The following COL4A1 variants were observed in gnomAD, a reference collection of about 807,000 sequenced individuals.
COL4A1 encodes collagen alpha-1(IV) chain.
COL4A1 carries 40 observed loss-of-function variants against 216.6 expected under a neutral mutation model. That is an observed-to-expected ratio of 0.18 (90% CI 0.14 to 0.24). The LOEUF (loss-of-function observed/expected upper bound fraction) is 0.24, where lower values mean the gene tolerates loss of function less well. Among genes scored for constraint, COL4A1 ranks in the 10% least tolerant of loss-of-function variants. The pLI, the probability that COL4A1 is intolerant of heterozygous loss-of-function variation, is 1.00. For missense variants in COL4A1, 1,628 were observed against 2,196.8 expected, an observed-to-expected ratio of 0.74 and a Z score of 5.18; for synonymous variants, 839 against 810.7, an observed-to-expected ratio of 1.03 and a Z score of -0.59.
chr13:110,224,762 G>A (rs1880659699), intron 2 of COL4A1, among the ~76,000 whole-genome samples: 1 of 152,218 alleles, frequency 6.6e-6, no homozygotes, highest in South Asian at 2.1e-4. Context: ...AGACAGCCGA[G>A]GATGTTATTA....
Position 110,149,349 on chromosome 13 carries a change from G to A in COL4A1, c.*1014C>T, listed in dbSNP as rs139916479. On this transcript the variant is annotated 3_prime_UTR_variant, in exon 52 of 52. Transcript: ENST00000375820. ...TTTTTCAAGCCAGGATGCAGAATGA[G>A]GAATACTAATGAAATGACGGCCTTT... 178 of 154,880 alleles carry A rather than the reference G, an allele frequency of 1.1e-3. No homozygotes were observed. The highest frequency in any genetic ancestry group is 4.1e-3 in the African/African-American group (171 of 41,650). The allele number at this position is 154,880 out of a possible 1,614,324, so 9.6% of individuals were successfully genotyped here. A position where few individuals can be genotyped will look rare whatever the true frequency, so the allele number is the denominator to read the frequency against.
chr13:110,213,962 T>C lies in COL4A1; in HGVS notation c.198A>G (p.Gln66=), dbSNP rs762395621. The stretch of plus-strand genomic sequence containing the variant: ...GTGGTCCCTGTGGCCCCTCAGGTCC[T>C]TGCATTCCAGGAAACCCAATGACAC... ...LQGVIGFPGM[Q]GPEGPQGPPG... is the part of the protein sequence containing the mutation. Residue 66 remains glutamine (Q), a synonymous_variant, in exon 3 of 52, where the codon CAA becomes CAG. Transcript: ENST00000375820. 6.2e-7 allele frequency: 1 copy of C among 1,614,084 alleles called. No homozygotes were observed. The highest frequency in any genetic ancestry group is 8.5e-7 in the Non-Finnish European group (1 of 1,180,014).
At chr13:110,221,971 A>G (rs1270957193) in intron 2 of COL4A1, among the ~76,000 whole-genome samples, 1 of 152,222 alleles carries the variant, frequency 6.6e-6, no homozygotes, top group Non-Finnish European at 1.5e-5. Context: ...CCACACCAGC[A>G]GACAGTGCGT....
At chr13:110,222,570 G>A (rs1376425696) in intron 2 of COL4A1, among the ~76,000 whole-genome samples, 1 of 149,776 alleles carries the variant, frequency 6.7e-6, no homozygotes, top group Non-Finnish European at 1.5e-5. Context: ...TCAGGAGATC[G>A]AGACCATCCT....
In COL4A1 at chr13:110,291,075, C is replaced by T. The variant is rs550771819; in HGVS notation, c.84+15869G>A. On this transcript the variant is annotated intron_variant, in intron 1 of 51. Transcript: ENST00000375820. ...CACAGACGTGAGTGTCCTGCCCGCC[C>T]CTCTCCTCAGGACACTTGCAGCTCC... is the stretch of plus-strand genomic sequence containing the variant. Among the ~76,000 whole-genome samples the T allele has an allele frequency of 2.6e-5, 4 of 152,324 alleles. No individual in the cohort carries two copies. The South Asian group carries it at 8.3e-4, about 32-fold the overall frequency.
At chr13:110,293,006 A>T (rs181308000) in intron 1 of COL4A1, among the ~76,000 whole-genome samples, 3,770 of 152,266 alleles carry the variant, frequency 0.025, 72 homozygotes, top group Non-Finnish European at 0.033. Flanking sequence ...TGTTATTTTT[A>T]AAAAATCTCA....
intron 1 of COL4A1, among the ~76,000 whole-genome samples, chr13:110,305,564 A>C (rs1271768722): frequency 6.6e-6 from 1 of 152,224 alleles, no homozygotes; most frequent in Non-Finnish European, 1.5e-5. Flanking sequence ...CTTTTGGTCA[A>C]TATTTCTAGA....
intron 2 of COL4A1, among the ~76,000 whole-genome samples, chr13:110,235,529 T>C (rs572503048): frequency 7.9e-5 from 12 of 151,954 alleles, no homozygotes; most frequent in Admixed American, 3.3e-4. Context: ...CGGGTGCCTG[T>C]AGTCCCAGCT....
At position 110,207,421 on chromosome 13, in the gene COL4A1, G is replaced by T. The variant is rs145029443; in HGVS notation, c.762C>A (p.Phe254Leu). 1 of 1,613,894 alleles carries T rather than the reference G, an allele frequency of 6.2e-7. No individual in the cohort carries two copies. The highest frequency in any genetic ancestry group is 1.1e-5 in the South Asian group (1 of 91,054). Residue 254 changes from phenylalanine (F) to leucine (L), a missense_variant, in exon 13 of 52, where the codon TTC (phenylalanine) becomes TTA (leucine). Transcript: ENST00000375820. This position sits in a 1 kb window ranked among gnomAD's most constrained non-coding sequence, Gnocchi z 4.4. ...GQAQVQEKGD[F>L]ATKGEKGQKG... ...CTCATACCTTTTCTCCCTTGGTGGC[G>T]AAGTCTCCTTTTTCTTGAACTTGAG...
intron 1 of COL4A1, among the ~76,000 whole-genome samples, chr13:110,292,042 A>C (rs1362541950): frequency 6.6e-6 from 1 of 152,194 alleles, no homozygotes. Context: ...TAAGATTAAC[A>C]TTCGCCAAAA....
intron 22 of COL4A1, among the ~76,000 whole-genome samples, chr13:110,193,667 G>A (rs1009259730): frequency 2.0e-5 from 3 of 152,268 alleles, no homozygotes; most frequent in African/African-American, 7.2e-5. Flanking sequence ...CTGGCTGGCA[G>A]CCGCACACGG....
At chr13:110,201,240 A>AAGG (rs766675068) in intron 19 of COL4A1, among the ~76,000 whole-genome samples, 198 bp downstream of exon 19, 25 of 117,378 alleles carry the variant, frequency 2.1e-4, no homozygotes, top group Non-Finnish European at 4.4e-4. Flanking sequence ...AGAGAGAGAG[A>AAGG]AGGAGGAGGA....
intron 21 of COL4A1, among the ~76,000 whole-genome samples, chr13:110,197,323 T>A (rs910993997): frequency 4.0e-5 from 6 of 151,262 alleles, no homozygotes; most frequent in Non-Finnish European, 8.8e-5. Context: ...GTCAGCCCCA[T>A]GGAATACTTG....
chr13:110,234,365 T>C (rs1028436071), intron 2 of COL4A1, among the ~76,000 whole-genome samples: 1 of 152,128 alleles, frequency 6.6e-6, no homozygotes, highest in Non-Finnish European at 1.5e-5. Flanking sequence ...GCAAATCTCT[T>C]GAGGTCAGGA....
chr13:110,246,077 G>C (rs1437236604), intron 1 of COL4A1, among the ~76,000 whole-genome samples: 1 of 151,388 alleles, frequency 6.6e-6, no homozygotes, highest in African/African-American at 2.4e-5. Flanking sequence ...CAGAACAAAA[G>C]ATGTCTAAGA....
In COL4A1 at chr13:110,186,540, A is replaced by G. The variant is rs1878415324; in HGVS notation, c.1742T>C (p.Leu581Ser). The G allele has an allele frequency of 6.2e-7, 1 of 1,613,996 alleles. No individual in the cohort carries two copies. Among genetic ancestry groups the G allele is most frequent in the South Asian group, 1.1e-5 (1 of 91,082 alleles). ...TCCAGGGGGGCCACGCTCTCCTTTC[A>G]ATCCTACAGAACCCTGATGTGAGAA... ...GPKGSPGSVGLKGERGPPGGV... is the reference protein window; with the variant it reads ...GPKGSPGSVGSKGERGPPGGV... Residue 581 changes from leucine to serine, a missense_variant, in exon 26 of 52, where the codon TTG (leucine) becomes TCG (serine). Physicochemically the swap from Leu to Ser is moderately radical, Grantham distance 145 (BLOSUM62 -2). Around this residue, in one of 8 missense-constraint regions of COL4A1, gnomAD observed 701 missense variants for 892.5 expected, o/e 0.79. Coordinates refer to ENST00000375820, the MANE Select transcript of COL4A1 (RefSeq NM_001845.6).
intron 26 of COL4A1, among the ~76,000 whole-genome samples, chr13:110,183,733 G>A (rs766182494): frequency 7.9e-5 from 12 of 152,178 alleles, no homozygotes; most frequent in African/African-American, 2.2e-4. Flanking sequence ...AACATGATCC[G>A]CGGGTGATTA....
chr13:110,213,938 T>C lies in COL4A1; in HGVS notation c.222A>G (p.Pro74=). ...CAGCCGTGCTTACCTTTTGTCCTGGTGGTCCCTGTGGCCCCTCAGGTCCTT... is the reference window on the plus strand; with the variant it reads ...CAGCCGTGCTTACCTTTTGTCCTGGCGGTCCCTGTGGCCCCTCAGGTCCTT... The part of the protein sequence containing the change: ...GMQGPEGPQG[P]PGQKGDTGEP... The change falls in exon 3 of 52, where the codon CCA becomes CCG. Residue 74 remains proline (P), a synonymous_variant. Coordinates refer to ENST00000375820, the MANE Select transcript of COL4A1 (RefSeq NM_001845.6). 1 of 1,614,060 alleles carries C rather than the reference T, an allele frequency of 6.2e-7. No individual in the cohort carries two copies. The highest frequency in any genetic ancestry group is 8.5e-7 in the Non-Finnish European group (1 of 1,180,006).
At chr13:110,214,128 C>T in intron 2 of COL4A1, 113 bp from the exon 3 acceptor site, 1 of 862,360 alleles carries the variant, frequency 1.2e-6, no homozygotes, top group South Asian at 1.4e-5. Flanking sequence ...GAGTCTCATT[C>T]TGTTGCCCAG....
Sources: gnomAD v4.1 joint callset for allele counts (sites outside exome capture counted in the v4.1 genomes callset) on GRCh38, gnomAD v4.1.1 for gene constraint, gnomAD v4.1.1 regional missense constraint, Gnocchi (gnomAD v3.1) non-coding constraint, MANE v1.5 for transcripts, NCBI Gene and HGNC (gene_info 2026-07-23, HGNC 2026-07-21) for gene names.